Variants in NAALADL2 observed in about 807,000 individuals in gnomAD.
The protein encoded by NAALADL2 is inactive N-acetylated-alpha-linked acidic dipeptidase-like protein 2.
NAALADL2 carries 76 observed loss-of-function variants against 87.2 expected under a neutral mutation model. That is an observed-to-expected ratio of 0.87 (90% CI 0.72 to 1.05). The LOEUF (loss-of-function observed/expected upper bound fraction) is 1.05, where lower values mean the gene tolerates loss of function less well. NAALADL2 is among the 50% of genes least tolerant of loss of function. The pLI is 0.00. For missense variants in NAALADL2, 1,089 were observed against 945.8 expected (o/e 1.15, Z -1.99); for synonymous variants, 354 against 331.0 (o/e 1.07, Z -0.75).
intron 9 of NAALADL2, among the ~76,000 whole-genome samples, chr3:175,509,243 A>G (rs2149389360): frequency 2.0e-5 from 3 of 152,302 alleles, no homozygotes; most frequent in Admixed American, 2.0e-4. Context: ...AGTTGTTGAT[A>G]ACTGCCACAA....
intron 1 of NAALADL2, among the ~76,000 whole-genome samples, chr3:174,897,525 G>T (rs1731700367): frequency 6.6e-6 from 1 of 152,060 alleles, no homozygotes; most frequent in South Asian, 2.1e-4. Context: ...AACAAATGCT[G>T]GCAAGGATGT....
chr3:174,951,659 T>G (rs145733136), intron 1 of NAALADL2, among the ~76,000 whole-genome samples: 1,715 of 152,274 alleles, frequency 0.011, 11 homozygotes, highest in African/African-American at 0.015. Context: ...TTTTTACTTG[T>G]CGATAGACGC....
chr3:175,576,741 A>G (rs1395383086), intron 10 of NAALADL2, among the ~76,000 whole-genome samples: 1 of 152,200 alleles, frequency 6.6e-6, no homozygotes, highest in Non-Finnish European at 1.5e-5. Flanking sequence ...CAATCCTTCT[A>G]ATCTTTCTCA....
intron 2 of NAALADL2, among the ~76,000 whole-genome samples, chr3:174,602,594 C>T (rs1019218892): frequency 2.0e-5 from 3 of 150,896 alleles, no homozygotes; most frequent in Non-Finnish European, 4.5e-5. Context: ...TTTTGTTTTC[C>T]AATTTGGATG....
At chr3:175,688,070 A>C (rs1327411893) in intron 11 of NAALADL2, among the ~76,000 whole-genome samples, 1 of 152,108 alleles carries the variant, frequency 6.6e-6, no homozygotes, top group East Asian at 1.9e-4. Context: ...CAATAGTCTC[A>C]AAGTTTGAAT....
intron 9 of NAALADL2, among the ~76,000 whole-genome samples, chr3:175,558,194 C>CAAAAAAAAAAAAAAAAAAA (rs71164638): frequency 1.2e-5 from 1 of 82,430 alleles, no homozygotes. Context: ...GACCCCGTCT[C>CAAAAAAAAAAAAAAAAAAA]AAAAAAAAAA....
rs140012166 is a variant in NAALADL2, at chr3:174,548,901, A to G, written c.-183-1668A>G. 2.2e-4 allele frequency among the ~76,000 whole-genome samples: 33 copies of G among 152,312 alleles called. 1 individual carries two copies. In the East Asian group the frequency reaches 6.4e-3, roughly 29 times the overall value. On this transcript the variant is annotated intron_variant, in intron 1 of 3. Transcript: ENST00000434257. The stretch of plus-strand genomic sequence containing the variant: ...GTTGCCCAAGCTAGAGTGCAGTGGC[A>G]CGATCACAGCTCACTGCAGCCCCAA...
At chr3:174,938,307 A>G (rs1300442175) in intron 1 of NAALADL2, among the ~76,000 whole-genome samples, 1 of 152,086 alleles carries the variant, frequency 6.6e-6, no homozygotes, top group African/African-American at 2.4e-5. Flanking sequence ...TTATTTTGCT[A>G]AAGATAATAG....
chr3:175,589,782 C>A (rs1721096846), intron 10 of NAALADL2, among the ~76,000 whole-genome samples: 2 of 134,136 alleles, frequency 1.5e-5, no homozygotes, highest in African/African-American at 2.8e-5. Context: ...ATATTTAAGC[C>A]CCTTGACAAA....
chr3:175,459,907 G>C (rs1163885926), intron 6 of NAALADL2: 1 of 300,264 alleles, frequency 3.3e-6, no homozygotes, highest in African/African-American at 2.2e-5. Context: ...ATATCTCTCT[G>C]TATTCTTTTC....
chr3:174,916,043 G>C (rs563064049), intron 1 of NAALADL2, among the ~76,000 whole-genome samples: 1 of 152,040 alleles, frequency 6.6e-6, no homozygotes, highest in South Asian at 2.1e-4. Flanking sequence ...GTAATCCCAT[G>C]AAAAATATGG....
intron 2 of NAALADL2, among the ~76,000 whole-genome samples, chr3:174,645,633 A>AG (rs2108742892): frequency 6.6e-6 from 1 of 152,244 alleles, no homozygotes; most frequent in Non-Finnish European, 1.5e-5. Flanking sequence ...TTTTTCTGTA[A>AG]GGTTTTTTTT....
intron 9 of NAALADL2, among the ~76,000 whole-genome samples, chr3:175,490,079 G>T (rs1335944837): frequency 6.6e-6 from 1 of 152,104 alleles, no homozygotes; most frequent in Non-Finnish European, 1.5e-5. Context: ...ACAATGATCA[G>T]TTCATGGATG....
intron 1 of NAALADL2, among the ~76,000 whole-genome samples, chr3:174,865,990 CAAAATAT>C (rs1238841955): frequency 6.6e-6 from 1 of 151,760 alleles, no homozygotes; most frequent in East Asian, 1.9e-4. Context: ...AATTTGTATA[CAAAATAT>C]ATGCCAGAAC....
chr3:174,483,242 C>A (rs1717666108), intron 1 of NAALADL2, among the ~76,000 whole-genome samples: 1 of 151,980 alleles, frequency 6.6e-6, no homozygotes, highest in Non-Finnish European at 1.5e-5. Flanking sequence ...AGGAAAGAGG[C>A]TTAATTGACT....
At chr3:175,674,298 C>G (rs374423705) in intron 11 of NAALADL2, among the ~76,000 whole-genome samples, 1 of 146,098 alleles carries the variant, frequency 6.8e-6, no homozygotes. Context: ...CTATCTCTGT[C>G]GCCCAGGCTG....
intron 2 of NAALADL2, among the ~76,000 whole-genome samples, chr3:174,604,014 G>A (rs1033980099): frequency 9.9e-5 from 15 of 152,128 alleles, no homozygotes; most frequent in Admixed American, 2.6e-4. Context: ...TCCAAGTGCT[G>A]TGGAAAAGAG....
At chr3:174,528,443 A>C (rs776282795) in intron 1 of NAALADL2, among the ~76,000 whole-genome samples, 4 of 152,168 alleles carry the variant, frequency 2.6e-5, no homozygotes, top group Non-Finnish European at 5.9e-5. Context: ...CAGTCTGGCC[A>C]ACATGGTGAA....
intron 3 of NAALADL2, among the ~76,000 whole-genome samples, chr3:174,812,797 T>C (rs1720362442): frequency 6.6e-6 from 1 of 151,096 alleles, no homozygotes; most frequent in Non-Finnish European, 1.5e-5. Context: ...AAAGAGTAAA[T>C]AAAGGCAATT....
Sources: allele counts gnomAD v4.1 joint callset (sites outside exome capture counted in the v4.1 genomes callset), GRCh38; gene constraint gnomAD v4.1.1; transcripts MANE v1.5; gene names NCBI Gene and HGNC (gene_info 2026-07-23, HGNC 2026-07-21).